CPEB1: variants seen among roughly 807,000 people sequenced by gnomAD.
CPEB1 encodes cytoplasmic polyadenylation element binding protein 1.
Under a neutral mutation model 65.8 loss-of-function variants are expected in CPEB1, and 7 were observed. That is an observed-to-expected ratio of 0.11 (90% CI 0.06 to 0.20). The LOEUF is 0.20. Ranked by LOEUF, CPEB1 falls within the 10% of genes least tolerant of loss-of-function variation. The pLI, the probability that CPEB1 is intolerant of heterozygous loss-of-function variation, is 1.00. For missense variants in CPEB1, 551 were observed against 712.2 expected (o/e 0.77, Z 2.58); for synonymous variants, 262 against 260.0 (o/e 1.01, Z -0.08).
intron 1 of CPEB1, among the ~76,000 whole-genome samples, chr15:82,634,056 T>C (rs1210230587): frequency 1.3e-5 from 2 of 152,196 alleles, no homozygotes; most frequent in Non-Finnish European, 1.5e-5. Context: ...TAAATACTTT[T>C]AGTGGCAGAT....
chr15:82,571,905 C>T, intron 3 of CPEB1: 1 of 1,000,644 alleles, frequency 1.0e-6, no homozygotes, highest in Non-Finnish European at 1.2e-6. Flanking sequence ...GACTTGCCTC[C>T]CAGGGAAAGA....
Position 82,547,256 on chromosome 15 carries a change from G to T in CPEB1, c.1481-19C>A. On this transcript the variant is annotated intron_variant, in intron 10 of 12. Transcript: ENST00000684509. ...CCAGAACCTAGGACAACAGACACAAGCTTCCCTTCTAACCAAATTCTCCCA... is the reference window on the plus strand; with the variant it reads ...CCAGAACCTAGGACAACAGACACAATCTTCCCTTCTAACCAAATTCTCCCA... 2 of 1,304,118 alleles carry T rather than the reference G, an allele frequency of 1.5e-6. No homozygotes were observed. Among genetic ancestry groups the T allele is most frequent in the East Asian group, 2.4e-5 (1 of 41,870 alleles). The allele number at this position is 1,304,118 out of a possible 1,614,324, so 80.8% of individuals were successfully genotyped here.
chr15:82,607,573 C>G (rs1389205804), intron 3 of CPEB1, among the ~76,000 whole-genome samples: 1 of 151,842 alleles, frequency 6.6e-6, no homozygotes, highest in Non-Finnish European at 1.5e-5. Context: ...GATGACAGAG[C>G]GAGACTCAAG....
intron 1 of CPEB1, among the ~76,000 whole-genome samples, chr15:82,636,494 GCT>G (rs1464631457): frequency 1.8e-4 from 27 of 151,974 alleles, no homozygotes; most frequent in African/African-American, 6.3e-4. Flanking sequence ...TGTTCTTTTT[GCT>G]CTCTTAACTC....
intron 3 of CPEB1, among the ~76,000 whole-genome samples, chr15:82,610,183 C>T (rs568836680): frequency 3.3e-5 from 5 of 152,052 alleles, no homozygotes; most frequent in African/African-American, 7.2e-5. Context: ...AATCTGCATA[C>T]GCTTTTAATG....
At chr15:82,633,264 A>G (rs1039911398) in intron 1 of CPEB1, 1 of 152,248 alleles carries the variant, frequency 6.6e-6, no homozygotes, top group Admixed American at 6.5e-5. Context: ...ATTAATTTAA[A>G]AACAATTGTT....
intron 1 of CPEB1, chr15:82,628,858 TAGCC>T (rs2045995416): frequency 5.7e-6 from 1 of 174,144 alleles, no homozygotes; most frequent in African/African-American, 2.4e-5. Context: ...ATTTTTTCTC[TAGCC>T]TACTTTATCG....
At chr15:82,565,972 A>G (rs1447848283) in intron 4 of CPEB1, among the ~76,000 whole-genome samples, 1 of 152,244 alleles carries the variant, frequency 6.6e-6, no homozygotes, top group Non-Finnish European at 1.5e-5. Context: ...AGAGGGTTCC[A>G]GTTCATTAAT....
intron 3 of CPEB1, among the ~76,000 whole-genome samples, chr15:82,588,446 A>G (rs116865603): frequency 0.031 from 4,710 of 152,300 alleles, 108 homozygotes; most frequent in Non-Finnish European, 0.048. Flanking sequence ...GGTCAAATAT[A>G]CCATTTCACA....
intron 1 of CPEB1, among the ~76,000 whole-genome samples, chr15:82,639,657 T>C (rs2046946231): frequency 6.6e-6 from 1 of 152,200 alleles, no homozygotes; most frequent in African/African-American, 2.4e-5. Context: ...CTGACTGGTG[T>C]CTTTTAGCTA....
chr15:82,642,189 G>T (rs1295524489), intron 1 of CPEB1, among the ~76,000 whole-genome samples: 2 of 152,144 alleles, frequency 1.3e-5, no homozygotes, highest in African/African-American at 2.4e-5. Context: ...CTGCAACAAC[G>T]GCAGGAAAAA....
intron 3 of CPEB1, among the ~76,000 whole-genome samples, chr15:82,608,040 T>G (rs2678443): frequency 6.9e-6 from 1 of 145,678 alleles, no homozygotes; most frequent in Admixed American, 6.8e-5. Context: ...TCTTCACTTC[T>G]TGTTTGTACA....
chr15:82,591,647 G>A (rs1190595700), intron 3 of CPEB1, among the ~76,000 whole-genome samples: 2 of 152,012 alleles, frequency 1.3e-5, no homozygotes, highest in African/African-American at 4.8e-5. Flanking sequence ...TTTGAAAAGT[G>A]TCTATTCATG....
At chr15:82,545,502 T>G (rs1293312758) in intron 12 of CPEB1, among the ~76,000 whole-genome samples, 1 of 152,166 alleles carries the variant, frequency 6.6e-6, no homozygotes, top group Non-Finnish European at 1.5e-5. Context: ...TGATACTGAC[T>G]AGCAGCATTG....
intron 1 of CPEB1, among the ~76,000 whole-genome samples, chr15:82,646,544 T>A (rs1385061707): frequency 6.6e-6 from 1 of 152,042 alleles, no homozygotes; most frequent in African/African-American, 2.4e-5. Context: ...CCCGACTCTC[T>A]TCCCCCAGCT....
chr15:82,625,132 C>A (rs1342943067), intron 3 of CPEB1, among the ~76,000 whole-genome samples: 1 of 152,162 alleles, frequency 6.6e-6, no homozygotes. Flanking sequence ...GTCATTCTTA[C>A]TGGGACATAA....
chr15:82,560,933 A>G (rs569000506), intron 4 of CPEB1, among the ~76,000 whole-genome samples: 10 of 152,390 alleles, frequency 6.6e-5, no homozygotes, highest in Non-Finnish European at 1.3e-4. Context: ...ATGAAGGAAT[A>G]AATGTGACAA....
At chr15:82,592,803 G>A (rs895350813) in intron 3 of CPEB1, among the ~76,000 whole-genome samples, 4 of 151,728 alleles carry the variant, frequency 2.6e-5, no homozygotes, top group African/African-American at 4.8e-5. Context: ...GAGACCATCC[G>A]GGCTAACATG....
At chr15:82,575,424 TTA>T (rs1026175749) in intron 3 of CPEB1, among the ~76,000 whole-genome samples, 3 of 152,154 alleles carry the variant, frequency 2.0e-5, no homozygotes, top group Non-Finnish European at 4.4e-5. Flanking sequence ...AAGGGTTTCT[TTA>T]TGTAGAGTAC....
Sources: gnomAD v4.1 joint callset for allele counts (sites outside exome capture counted in the v4.1 genomes callset) on GRCh38, gnomAD v4.1.1 for gene constraint, MANE v1.5 for transcripts, NCBI Gene and HGNC (gene_info 2026-07-23, HGNC 2026-07-21) for gene names.